The following DISC1 variants were observed in gnomAD, a reference collection of about 807,000 sequenced individuals.
DISC1 encodes the protein disrupted in schizophrenia 1 protein.
In DISC1, 57 loss-of-function variants were observed where a neutral mutation model predicts 84.5. That is an observed-to-expected ratio of 0.67 (90% CI 0.55 to 0.84). The LOEUF is 0.84. Among genes scored for constraint, DISC1 ranks in the 40% least tolerant of loss-of-function variants. DISC1 has a pLI of 0.00. For missense variants in DISC1, 1,000 were observed against 1,057.8 expected (o/e 0.95, Z 0.76); for synonymous variants, 411 against 415.2 (o/e 0.99, Z 0.12).
chr1:231,637,173 A>G (rs1042359547), intron 1 of DISC1, among the ~76,000 whole-genome samples: 4 of 152,094 alleles, frequency 2.6e-5, no homozygotes, highest in Non-Finnish European at 5.9e-5. Context: ...CTTGGTGTAT[A>G]TGTGCCACAT....
chr1:231,922,851 C>T (rs1160237009), intron 9 of DISC1, among the ~76,000 whole-genome samples: 1 of 152,188 alleles, frequency 6.6e-6, no homozygotes, highest in Non-Finnish European at 1.5e-5. Context: ...TTTCACCTCA[C>T]TTAGAAAATT....
At chr1:231,643,012 A>T (rs2059849878) in intron 1 of DISC1, among the ~76,000 whole-genome samples, 1 of 152,154 alleles carries the variant, frequency 6.6e-6, no homozygotes, top group Admixed American at 6.5e-5. Flanking sequence ...CTTCCCACCA[A>T]ACCTTGCCGG....
At chr1:231,745,530 C>A in intron 3 of DISC1, 1 of 185,314 alleles carries the variant, frequency 5.4e-6, no homozygotes, top group Non-Finnish European at 1.2e-5. Context: ...CCTAAACATT[C>A]ATTATCTTTT....
intron 1 of DISC1, among the ~76,000 whole-genome samples, chr1:231,632,752 T>C (rs987895582): frequency 1.3e-5 from 2 of 152,196 alleles, no homozygotes; most frequent in Admixed American, 6.5e-5. Flanking sequence ...AATCCCTTTT[T>C]TTTGAGCTAT....
At chr1:232,034,897 TAA>T (rs11376890) in intron 12 of DISC1, among the ~76,000 whole-genome samples, 1 of 146,158 alleles carries the variant, frequency 6.8e-6, no homozygotes, top group Admixed American at 6.8e-5. Context: ...CAAAGCCTCT[TAA>T]AAAAAAAAAA....
At chr1:231,695,415 C>G (rs1489985892) in intron 2 of DISC1, among the ~76,000 whole-genome samples, 5 of 152,160 alleles carry the variant, frequency 3.3e-5, no homozygotes, top group Admixed American at 2.6e-4. Flanking sequence ...CATCTAAGGC[C>G]CAGCCTTATG....
intron 9 of DISC1, among the ~76,000 whole-genome samples, chr1:231,879,902 G>C (rs1402877375): frequency 6.6e-6 from 1 of 152,194 alleles, no homozygotes; most frequent in Non-Finnish European, 1.5e-5. Context: ...TAGATACAGA[G>C]GTCTGGACTC....
intron 9 of DISC1, among the ~76,000 whole-genome samples, chr1:231,938,501 G>T (rs907168215): frequency 1.3e-5 from 2 of 152,166 alleles, no homozygotes; most frequent in African/African-American, 2.4e-5. Context: ...ACTGGATTCT[G>T]CCAACAACCT....
At chr1:232,001,384 A>AT (rs36072544) in intron 10 of DISC1, among the ~76,000 whole-genome samples, 8,539 of 152,212 alleles carry the variant, frequency 0.056, 445 homozygotes, top group African/African-American at 0.13. Context: ...AGGCAATAAT[A>AT]TTTTAAAGTG....
Position 232,009,237 on chromosome 1 carries a change from G to A in DISC1, c.2307+188G>A. ...AATTTTTGTAGAAGTTTGAAATATA[G>A]AAGAGCAAAAAAACCCAACTTTTGG... On this transcript the variant is annotated intron_variant, in intron 11 of 12. Transcript: ENST00000439617. The surrounding 1 kb of genome is among the most constrained non-coding windows in gnomAD (Gnocchi z 4.6). 2 of 1,400,346 alleles carry A rather than the reference G, an allele frequency of 1.4e-6. No homozygotes were observed. The highest frequency in any genetic ancestry group is 1.9e-6 in the Non-Finnish European group (2 of 1,080,372). The allele number at this position is 1,400,346 out of a possible 1,614,324, so 86.7% of individuals were successfully genotyped here.
chr1:231,854,718 CTT>C (rs11331915), intron 9 of DISC1: 1,028 of 123,852 alleles, frequency 8.3e-3, no homozygotes, highest in South Asian at 0.03. Context: ...TAAAATAATT[CTT>C]TTTTTTTTTT....
At chr1:231,782,431 A>T (rs1353106055) in intron 6 of DISC1, among the ~76,000 whole-genome samples, 1 of 152,188 alleles carries the variant, frequency 6.6e-6, no homozygotes, top group South Asian at 2.1e-4. Flanking sequence ...GAGATGCTTG[A>T]GAGAAATGTG....
chr1:231,785,537 G>T (rs2077785961), intron 6 of DISC1, among the ~76,000 whole-genome samples: 1 of 151,900 alleles, frequency 6.6e-6, no homozygotes, highest in Non-Finnish European at 1.5e-5. Flanking sequence ...CAAGTGATCT[G>T]CCCATCTTGG....
chr1:232,025,299 A>G (rs9431793), intron 11 of DISC1, among the ~76,000 whole-genome samples: 18,815 of 152,190 alleles, frequency 0.12, 1,356 homozygotes, highest in Middle Eastern at 0.16. Context: ...CTATTGGCAA[A>G]GCTTAGCTTG....
intron 9 of DISC1, among the ~76,000 whole-genome samples, chr1:231,935,768 A>G (rs2090946102): frequency 6.6e-6 from 1 of 152,236 alleles, no homozygotes; most frequent in South Asian, 2.1e-4. Context: ...TTTCAGTAAT[A>G]TAAATGTGGA....
intron 3 of DISC1, among the ~76,000 whole-genome samples, chr1:231,727,507 A>T (rs1235378588): frequency 6.6e-6 from 1 of 152,156 alleles, no homozygotes; most frequent in Non-Finnish European, 1.5e-5. Context: ...ACTGGCCATT[A>T]ATTCCTCCTC....
chr1:231,702,599 T>C lies in DISC1; in HGVS notation c.1117+575T>C, dbSNP rs112019759. 56 of 985,156 alleles carry C rather than the reference T, an allele frequency of 5.7e-5. No individual in the cohort carries two copies. The African/African-American group carries it at 8.9e-4, about 16-fold the overall frequency. 61.0% of individuals were successfully genotyped at this position (985,156 alleles called of 1,614,324 possible). ...CCAAGAGAAAAAGAAGTTACAACAT[T>C]AGACCAGAGATAGAGGGACTGATCT... On this transcript the variant is annotated intron_variant, in intron 3 of 12. Transcript: ENST00000439617.
chr1:231,757,023 G>C (rs1165377843), intron 4 of DISC1, among the ~76,000 whole-genome samples: 1 of 152,144 alleles, frequency 6.6e-6, no homozygotes, highest in Non-Finnish European at 1.5e-5. Flanking sequence ...AGCCTGGACA[G>C]AAACCGCTCT....
intron 1 of DISC1, among the ~76,000 whole-genome samples, chr1:231,662,804 G>A (rs767956377): frequency 6.6e-6 from 1 of 152,080 alleles, no homozygotes; most frequent in Non-Finnish European, 1.5e-5. Flanking sequence ...TCTATAGAAT[G>A]TACACAAAAG....
Sources: gnomAD v4.1 joint callset for allele counts (sites outside exome capture counted in the v4.1 genomes callset) on GRCh38, gnomAD v4.1.1 for gene constraint, Gnocchi (gnomAD v3.1) non-coding constraint, MANE v1.5 for transcripts, NCBI Gene and HGNC (gene_info 2026-07-23, HGNC 2026-07-21) for gene names.